VAT1L: variants seen among roughly 807,000 people sequenced by gnomAD.
The protein encoded by VAT1L is vesicle amine transport 1 like, also known as putative NADPH-dependent quinone oxidoreductase VAT1L.
A neutral mutation model predicts 44.1 loss-of-function variants in VAT1L; 34 were observed. That is an observed-to-expected ratio of 0.77 (90% CI 0.59 to 1.03). The LOEUF (loss-of-function observed/expected upper bound fraction) is 1.03, where lower values mean the gene tolerates loss of function less well. Ranked by LOEUF, VAT1L falls within the 50% of genes least tolerant of loss-of-function variation. VAT1L has a pLI of 0.00. For synonymous variants in VAT1L, 253 were observed against 202.2 expected, an observed-to-expected ratio of 1.25 and a Z score of -2.13; for missense variants, 615 against 538.8, an observed-to-expected ratio of 1.14 and a Z score of -1.40.
At chr16:77,959,908 G>A (rs2018143644) in intron 7 of VAT1L, among the ~76,000 whole-genome samples, 1 of 152,054 alleles carries the variant, frequency 6.6e-6, no homozygotes, top group Non-Finnish European at 1.5e-5. Flanking sequence ...CTTGACTTTT[G>A]CTCTTTTGTC....
intron 3 of VAT1L, among the ~76,000 whole-genome samples, chr16:77,830,732 G>A (rs1597055985): frequency 6.6e-6 from 1 of 152,176 alleles, no homozygotes; most frequent in East Asian, 1.9e-4. Flanking sequence ...CTCTCAGGCT[G>A]GAGGGCTGTG....
At chr16:77,921,050 A>C (rs748372448) in intron 7 of VAT1L, among the ~76,000 whole-genome samples, 3 of 152,204 alleles carry the variant, frequency 2.0e-5, no homozygotes, top group Non-Finnish European at 4.4e-5. Context: ...CAGCAGTGGC[A>C]AATCAGCTTT....
At chr16:77,910,673 C>CAAAA (rs3038773) in intron 7 of VAT1L, among the ~76,000 whole-genome samples, 66 of 82,830 alleles carry the variant, frequency 8.0e-4, no homozygotes, top group South Asian at 1.5e-3. Flanking sequence ...GACTCCTTCT[C>CAAAA]AAAAAAAAAA....
At chr16:77,928,249 C>T (rs369683297) in intron 7 of VAT1L, among the ~76,000 whole-genome samples, 21 of 152,298 alleles carry the variant, frequency 1.4e-4, no homozygotes, top group African/African-American at 3.9e-4. Flanking sequence ...TCTCTCTGGT[C>T]ACCAGGCTTC....
intron 3 of VAT1L, among the ~76,000 whole-genome samples, chr16:77,842,133 T>C (rs1332991042): frequency 2.0e-5 from 3 of 152,310 alleles, no homozygotes; most frequent in South Asian, 2.1e-4. Context: ...GTGATCTGCC[T>C]GCCTTGGCCT....
At chr16:77,851,206 G>T (rs890943413) in intron 3 of VAT1L, among the ~76,000 whole-genome samples, 1 of 152,226 alleles carries the variant, frequency 6.6e-6, no homozygotes, top group African/African-American at 2.4e-5. Flanking sequence ...GTAGGGTAGA[G>T]CAGGGGCAGC....
chr16:77,878,033 C>A (rs1004195327), intron 5 of VAT1L, among the ~76,000 whole-genome samples: 1 of 152,144 alleles, frequency 6.6e-6, no homozygotes, highest in African/African-American at 2.4e-5. Context: ...CTATTTTTGT[C>A]CCAGTTTCTT....
intron 7 of VAT1L, among the ~76,000 whole-genome samples, chr16:77,889,427 T>TA (rs2017240853): frequency 6.6e-6 from 1 of 152,150 alleles, no homozygotes; most frequent in Non-Finnish European, 1.5e-5. Flanking sequence ...GGAAAAGAAA[T>TA]AAAAAATACT....
chr16:77,816,086 A>C (rs1269509431), intron 1 of VAT1L, among the ~76,000 whole-genome samples: 1 of 151,052 alleles, frequency 6.6e-6, no homozygotes, highest in Non-Finnish European at 1.5e-5. Context: ...AATTCCCAAG[A>C]GCAGTTCTGA....
At chr16:77,920,018 A>T (rs1369596684) in intron 7 of VAT1L, among the ~76,000 whole-genome samples, 2 of 152,184 alleles carry the variant, frequency 1.3e-5, no homozygotes, top group Non-Finnish European at 2.9e-5. Flanking sequence ...TGAGAGGCAG[A>T]GATTGCAGTG....
At chr16:77,874,268 G>T (rs1278613643) in intron 4 of VAT1L, among the ~76,000 whole-genome samples, 1 of 152,066 alleles carries the variant, frequency 6.6e-6, no homozygotes, top group East Asian at 1.9e-4. Context: ...GGCTCAGGAG[G>T]GTGGGCTGGT....
chr16:77,959,113 C>G (rs1313309766), intron 7 of VAT1L, among the ~76,000 whole-genome samples: 1 of 152,186 alleles, frequency 6.6e-6, no homozygotes, highest in East Asian at 1.9e-4. Flanking sequence ...AAATTTTGCA[C>G]GCCAGTCACC....
intron 8 of VAT1L, among the ~76,000 whole-genome samples, chr16:77,977,171 C>G (rs532154302): frequency 1.3e-5 from 2 of 152,270 alleles, no homozygotes; most frequent in East Asian, 1.9e-4. Flanking sequence ...TAACTCACCT[C>G]CCCTGAGAGC....
chr16:77,863,108 A>G (rs1186332591), intron 4 of VAT1L, among the ~76,000 whole-genome samples: 2 of 152,224 alleles, frequency 1.3e-5, no homozygotes, highest in Non-Finnish European at 2.9e-5. Flanking sequence ...TAACTTGGAA[A>G]GTTAATGTAT....
chr16:77,924,637 T>A (rs757369408), intron 7 of VAT1L, among the ~76,000 whole-genome samples: 7 of 152,198 alleles, frequency 4.6e-5, no homozygotes, highest in Non-Finnish European at 1.0e-4. Context: ...ATTTTTTGTA[T>A]TTTTAGTAGA....
intron 4 of VAT1L, 152 bp downstream of exon 4, chr16:77,863,042 G>T: frequency 1.0e-6 from 1 of 955,364 alleles, no homozygotes. Context: ...TATTTCACAC[G>T]CATTAGTTCA....
chr16:77,850,884 G>A (rs2016802256), intron 3 of VAT1L, among the ~76,000 whole-genome samples: 1 of 152,176 alleles, frequency 6.6e-6, no homozygotes, highest in South Asian at 2.1e-4. Context: ...GCCATCTGGT[G>A]GACTGGACGG....
At chr16:77,863,621 C>T (rs1415770907) in intron 4 of VAT1L, among the ~76,000 whole-genome samples, 1 of 152,090 alleles carries the variant, frequency 6.6e-6, no homozygotes, top group Non-Finnish European at 1.5e-5. Context: ...GGGGGCTGCT[C>T]TGGGAAAGGA....
intron 7 of VAT1L, among the ~76,000 whole-genome samples, chr16:77,908,689 G>A (rs1164613322): frequency 6.6e-6 from 1 of 152,002 alleles, no homozygotes; most frequent in Non-Finnish European, 1.5e-5. Flanking sequence ...GCCGAGATGG[G>A]CAGATCACAA....
Sources: gnomAD v4.1 joint callset for allele counts (sites outside exome capture counted in the v4.1 genomes callset) on GRCh38, gnomAD v4.1.1 for gene constraint, MANE v1.5 for transcripts, NCBI Gene and HGNC (gene_info 2026-07-23, HGNC 2026-07-21) for gene names.